Variants in PRDM5 observed in about 807,000 individuals in gnomAD.
PRDM5 encodes the protein PR domain zinc finger protein 5.
A neutral mutation model predicts 81.2 loss-of-function variants in PRDM5; 56 were observed. The ratio of observed to expected loss-of-function variants is 0.69; its 90% CI spans 0.56 to 0.86. PRDM5 has a LOEUF of 0.86. Among genes scored for constraint, PRDM5 ranks in the 40% least tolerant of loss-of-function variants. PRDM5 has a pLI of 0.00. For missense variants in PRDM5, 697 were observed against 770.1 expected, an observed-to-expected ratio of 0.91 and a Z score of 1.12; for synonymous variants, 267 against 256.4, an observed-to-expected ratio of 1.04 and a Z score of -0.39.
At chr4:120,700,926 A>G (rs1018418750) in intron 15 of PRDM5, among the ~76,000 whole-genome samples, 2 of 152,134 alleles carry the variant, frequency 1.3e-5, no homozygotes, top group African/African-American at 4.8e-5. Flanking sequence ...GGAGATCGAG[A>G]CCAGCCTGAC....
intron 12 of PRDM5, among the ~76,000 whole-genome samples, chr4:120,780,123 C>G (rs1748827549): frequency 6.6e-6 from 1 of 152,020 alleles, no homozygotes; most frequent in South Asian, 2.1e-4. Flanking sequence ...GTATCACACA[C>G]TAATGGCAGA....
intron 13 of PRDM5, among the ~76,000 whole-genome samples, chr4:120,769,181 T>C (rs1156368712): frequency 5.9e-5 from 9 of 152,220 alleles, no homozygotes. Flanking sequence ...AGTTATTTTA[T>C]CTATTGAATA....
intron 15 of PRDM5, among the ~76,000 whole-genome samples, chr4:120,700,226 A>G (rs1735158838): frequency 6.6e-6 from 1 of 152,182 alleles, no homozygotes; most frequent in Admixed American, 6.5e-5. Flanking sequence ...ACACCTATTC[A>G]ATAAGCACTG....
chr4:120,714,668 C>T (rs918724529), intron 14 of PRDM5, among the ~76,000 whole-genome samples: 1 of 152,096 alleles, frequency 6.6e-6, no homozygotes, highest in Non-Finnish European at 1.5e-5. Flanking sequence ...CTGTCTCCTG[C>T]TCGTGGCTTT....
In PRDM5 at chr4:120,907,482, T is replaced by G; in HGVS notation, c.169A>C (p.Met57Leu). The change falls in exon 2 of 16, where the codon ATG (methionine) becomes CTG (leucine). Residue 57 changes from methionine (M) to leucine (L), a missense_variant. Met to Leu is a conservative substitution (Grantham distance 15, BLOSUM62 2). This residue lies in a region of PRDM5 where 577 missense variants were observed against 606.7 expected (regional missense o/e 0.95). Coordinates refer to ENST00000264808, the MANE Select transcript of PRDM5 (RefSeq NM_018699.4). ...ATAAGTCATATCCTCACCTCCCACA[T>G]CAACCTGTAATCCATATTTTCATCC... ...DLDENMDYRL[M>L]WEVRGSKGEV... 1 of 1,606,914 alleles carries G rather than the reference T, an allele frequency of 6.2e-7. No individual in the cohort carries two copies. The highest frequency in any genetic ancestry group is 1.1e-5 in the South Asian group (1 of 90,918).
chr4:120,725,070 T>C (rs1739198546), intron 14 of PRDM5, among the ~76,000 whole-genome samples: 1 of 152,160 alleles, frequency 6.6e-6, no homozygotes, highest in Admixed American at 6.5e-5. Context: ...AGTCATAAAA[T>C]ATTCTGACAA....
rs1481926671 is a variant in PRDM5, at chr4:120,818,336, T to C, written c.650+17A>G. ...TGTTAGCTTATAATTTTAAAGATAT[T>C]TCTTTAATATACGCACTGTCTTTGC... On this transcript the variant is annotated intron_variant, in intron 5 of 15. Transcript: ENST00000264808. The C allele has an allele frequency of 1.2e-6, 2 of 1,605,836 alleles. No individual in the cohort carries two copies. The highest frequency in any genetic ancestry group is 3.3e-5 in the Admixed American group (2 of 59,930).
intron 2 of PRDM5, among the ~76,000 whole-genome samples, chr4:120,863,767 G>A (rs535550219): frequency 7.2e-5 from 11 of 152,270 alleles, no homozygotes; most frequent in Admixed American, 2.0e-4. Flanking sequence ...GCTTCAGAAC[G>A]TAAGTTTTGC....
chr4:120,846,587 T>C (rs1441869119), intron 3 of PRDM5, among the ~76,000 whole-genome samples: 3 of 152,218 alleles, frequency 2.0e-5, no homozygotes, highest in Admixed American at 2.0e-4. Context: ...TTACATGCAC[T>C]GTGAAACCAA....
At chr4:120,741,123 T>C (rs894043783) in intron 14 of PRDM5, among the ~76,000 whole-genome samples, 4 of 152,158 alleles carry the variant, frequency 2.6e-5, no homozygotes, top group African/African-American at 9.7e-5. Context: ...TTTCCTAAGC[T>C]TTTTATGCAT....
intron 2 of PRDM5, among the ~76,000 whole-genome samples, chr4:120,884,123 T>C (rs907359490): frequency 1.3e-5 from 2 of 152,182 alleles, no homozygotes; most frequent in Non-Finnish European, 2.9e-5. Flanking sequence ...ACTGCATATA[T>C]TGAAATAAGA....
chr4:120,822,815 T>C (rs1053251778), intron 3 of PRDM5, among the ~76,000 whole-genome samples: 1 of 152,228 alleles, frequency 6.6e-6, no homozygotes, highest in African/African-American at 2.4e-5. Context: ...TTCAAAGCAC[T>C]GAAGCAAATC....
At chr4:120,917,935 C>A (rs1215482914) in intron 1 of PRDM5, among the ~76,000 whole-genome samples, 2 of 152,088 alleles carry the variant, frequency 1.3e-5, no homozygotes, top group East Asian at 3.9e-4. Flanking sequence ...ACTGATGTAA[C>A]CTTCCTCAAC....
intron 14 of PRDM5, among the ~76,000 whole-genome samples, chr4:120,735,147 A>C (rs894054757): frequency 6.6e-6 from 1 of 152,248 alleles, no homozygotes; most frequent in Admixed American, 6.5e-5. Flanking sequence ...GAAGTTAAAT[A>C]GAAACTGTCA....
Position 120,785,042 on chromosome 4 carries a change from A to G in PRDM5, c.1238T>C (p.Phe413Ser). 1 of 1,611,950 alleles carries G rather than the reference A, an allele frequency of 6.2e-7. No homozygotes were observed. The highest frequency in any genetic ancestry group is 8.5e-7 in the Non-Finnish European group (1 of 1,178,312). ...PFQCEECKAL[F>S]RTPFSLQRHL... ...TCTCTGTAAAGAAAATGGGGTCCGG[A>G]ACAAAGCTTTACATTCTTCACATTG... The change falls in exon 11 of 16, where the codon TTC becomes TCC. Residue 413 changes from phenylalanine (F) to serine (S), a missense_variant. By Grantham distance (155) the Phe-to-Ser change is radical. Transcript: ENST00000264808.
At chr4:120,811,165 G>C (rs576080984) in intron 8 of PRDM5, among the ~76,000 whole-genome samples, 2 of 140,674 alleles carry the variant, frequency 1.4e-5, no homozygotes, top group Admixed American at 7.3e-5. Flanking sequence ...GTCATAACAA[G>C]AGCAAAAATT....
chr4:120,724,723 A>G (rs1560983350), intron 14 of PRDM5, among the ~76,000 whole-genome samples: 1 of 152,350 alleles, frequency 6.6e-6, no homozygotes, highest in Non-Finnish European at 1.5e-5. Flanking sequence ...TCTAAAAAAA[A>G]CATACTTATC....
At chr4:120,920,428 T>C (rs1159824059) in intron 1 of PRDM5, among the ~76,000 whole-genome samples, 1 of 152,138 alleles carries the variant, frequency 6.6e-6, no homozygotes, top group Non-Finnish European at 1.5e-5. Context: ...CTCAGATCCC[T>C]TGATTTATGT....
At chr4:120,749,882 CT>C (rs1213452779) in intron 14 of PRDM5, among the ~76,000 whole-genome samples, 2 of 152,124 alleles carry the variant, frequency 1.3e-5, no homozygotes, top group East Asian at 3.9e-4. Context: ...GCAGAAACCT[CT>C]TTCTCATGCC....
Sources: allele counts gnomAD v4.1 joint callset (sites outside exome capture counted in the v4.1 genomes callset), GRCh38; gene constraint gnomAD v4.1.1; regional missense constraint gnomAD v4.1.1; transcripts MANE v1.5; gene names NCBI Gene and HGNC (gene_info 2026-07-23, HGNC 2026-07-21).